The following NCKAP1 variants were observed in gnomAD, a reference collection of about 807,000 sequenced individuals.
NCKAP1 encodes NCK associated protein 1, also known as nck-associated protein 1.
NCKAP1 carries 21 observed loss-of-function variants against 151.2 expected under a neutral mutation model. The ratio of observed to expected loss-of-function variants is 0.14; its 90% CI spans 0.10 to 0.20. The LOEUF (loss-of-function observed/expected upper bound fraction) is 0.20, where lower values mean the gene tolerates loss of function less well. Among genes scored for constraint, NCKAP1 ranks in the 10% least tolerant of loss-of-function variants. The probability of loss-of-function intolerance (pLI) is 1.00; values close to 1 mark genes in which losing one functional copy is unlikely to be tolerated. For missense variants in NCKAP1, 933 were observed against 1,352.1 expected, an observed-to-expected ratio of 0.69 and a Z score of 4.86; for synonymous variants, 484 against 451.8, an observed-to-expected ratio of 1.07 and a Z score of -0.90.
intron 15 of NCKAP1, among the ~76,000 whole-genome samples, chr2:182,968,008 A>C (rs1697609622): frequency 6.6e-6 from 1 of 152,238 alleles, no homozygotes; most frequent in Admixed American, 6.5e-5. Flanking sequence ...TAAGAATAGA[A>C]GGGATGCCTA....
intron 12 of NCKAP1, among the ~76,000 whole-genome samples, chr2:182,982,040 C>A (rs1351160104): frequency 2.6e-5 from 4 of 151,808 alleles, no homozygotes; most frequent in East Asian, 1.9e-4. Context: ...TATTTCTCTG[C>A]TCCATTTTTC....
chr2:182,946,984 T>C (rs1697121704), intron 23 of NCKAP1: 1 of 152,172 alleles, frequency 6.6e-6, no homozygotes, highest in Non-Finnish European at 1.5e-5. Flanking sequence ...AACAAGACAA[T>C]AATTTAATCA....
At chr2:183,009,821 G>A (rs940649463) in intron 2 of NCKAP1, among the ~76,000 whole-genome samples, 8 of 152,058 alleles carry the variant, frequency 5.3e-5, no homozygotes, top group African/African-American at 9.7e-5. Flanking sequence ...ATGCCAATCC[G>A]GGTCTATGAG....
chr2:182,983,347 C>T lies in NCKAP1; in HGVS notation c.1040G>A (p.Arg347Lys). 2 of 1,613,522 alleles carry T rather than the reference C, an allele frequency of 1.2e-6. No homozygotes were observed. The highest frequency in any genetic ancestry group is 2.2e-5 in the East Asian group (1 of 44,834). Reference protein sequence around the residue: ...SMHRERRKFLRSALKELATVL... With the variant: ...SMHRERRKFLKSALKELATVL... ...AGTAGCCAATTCCTTCAGTGCAGAT[C>T]TTAAAAACTTGCGTCTTTCTCTGTG... Residue 347 changes from arginine to lysine, a missense_variant, in exon 11 of 31, where the codon AGA becomes AAA. Arg to Lys is a conservative substitution (Grantham distance 26). This residue lies in a region of NCKAP1 where 607 missense variants were observed against 795.0 expected (regional missense o/e 0.76). Coordinates refer to ENST00000361354, the MANE Select transcript of NCKAP1 (RefSeq NM_013436.5).
intron 27 of NCKAP1, among the ~76,000 whole-genome samples, chr2:182,929,102 C>G (rs1389895984): frequency 2.0e-5 from 3 of 151,332 alleles, no homozygotes. Context: ...TTACAATGGA[C>G]TATTATCAAC....
chr2:183,024,339 T>C (rs1698848917), intron 1 of NCKAP1, among the ~76,000 whole-genome samples: 1 of 152,176 alleles, frequency 6.6e-6, no homozygotes, highest in South Asian at 2.1e-4. Flanking sequence ...TCCAAAATGT[T>C]TTCCTCATTC....
chr2:183,013,804 G>A (rs1026089148), intron 2 of NCKAP1, among the ~76,000 whole-genome samples: 4 of 151,942 alleles, frequency 2.6e-5, no homozygotes, highest in Admixed American at 6.6e-5. Context: ...TCCTACCACC[G>A]TCCCCTTCAA....
Position 182,923,441 on chromosome 2 carries a change from T to A in NCKAP1, c.*2261A>T, listed in dbSNP as rs1017748869. On this transcript the variant is annotated 3_prime_UTR_variant, in exon 31 of 31. Transcript: ENST00000361354. Reference sequence around the variant, plus strand: ...GTGTGCACCATCATACCTGGGTAATTTTTGTATTTTTAGTAGTGTCAGGGT... The same window carrying A: ...GTGTGCACCATCATACCTGGGTAATATTTGTATTTTTAGTAGTGTCAGGGT... 1 of 152,056 alleles carries A rather than the reference T, an allele frequency of 6.6e-6. No homozygotes were observed. The highest frequency in any genetic ancestry group is 1.5e-5 in the Non-Finnish European group (1 of 68,016). The allele number at this position is 152,056 out of a possible 1,614,324, so 9.4% of individuals were successfully genotyped here.
At chr2:182,939,806 C>G (rs1479274634) in intron 24 of NCKAP1, among the ~76,000 whole-genome samples, 1 of 152,096 alleles carries the variant, frequency 6.6e-6, no homozygotes, top group Non-Finnish European at 1.5e-5. Flanking sequence ...ATGAGTCACT[C>G]TCAAGTGAAT....
intron 4 of NCKAP1, 41 bp from the exon 5 acceptor site, chr2:183,002,310 T>A: frequency 7.5e-7 from 1 of 1,331,360 alleles, no homozygotes; most frequent in Non-Finnish European, 1.0e-6. Context: ...TTCCTATTTC[T>A]TAAAATTTTA....
intron 20 of NCKAP1, among the ~76,000 whole-genome samples, chr2:182,953,566 C>T (rs1340360351): frequency 1.3e-5 from 2 of 152,080 alleles, no homozygotes; most frequent in Non-Finnish European, 2.9e-5. Flanking sequence ...TTTGGGAGGA[C>T]GAGGCGGGCA....
chr2:182,936,304 G>C (rs1460068951), intron 24 of NCKAP1, among the ~76,000 whole-genome samples: 2 of 151,940 alleles, frequency 1.3e-5, no homozygotes, highest in African/African-American at 4.8e-5. Flanking sequence ...TCAATATGAT[G>C]GTTCAATACC....
chr2:182,964,552 G>C, intron 17 of NCKAP1, 124 bp downstream of exon 17: 1 of 657,008 alleles, frequency 1.5e-6, no homozygotes, highest in Admixed American at 3.7e-5. Flanking sequence ...TTCTGATTCT[G>C]CATAGAGATG....
chr2:182,929,893 A>C (rs1335271382), intron 27 of NCKAP1, among the ~76,000 whole-genome samples: 2 of 152,000 alleles, frequency 1.3e-5, no homozygotes, highest in East Asian at 3.8e-4. Flanking sequence ...TATCTACAGG[A>C]TTCTGAGTAC....
chr2:182,983,436 G>A, intron 10 of NCKAP1, 54 bp from the exon 11 acceptor site: 2 of 1,309,544 alleles, frequency 1.5e-6, no homozygotes, highest in Non-Finnish European at 2.2e-6. Context: ...ATTATTATTG[G>A]CAATTAAAGT....
rs1166734670 is a variant in NCKAP1 at position 182,981,296 on chromosome 2, T to C, written c.1289A>G (p.Tyr430Cys). The part of the protein sequence containing the change: ...RKYGPVMQRY[Y>C]VQYLSGFDAV... ...ATCAAAGCCAGAAAGGTACTGCACGTAATACCTCTGCATTACAGGTCCGTA... is the reference window on the plus strand; with the variant it reads ...ATCAAAGCCAGAAAGGTACTGCACGCAATACCTCTGCATTACAGGTCCGTA... The change falls in exon 13 of 31, where the codon TAC becomes TGC. Residue 430 changes from tyrosine to cysteine, a missense_variant. Physicochemically the swap from Tyr to Cys is radical, Grantham distance 194 (BLOSUM62 -2). Transcript: ENST00000361354. 1.9e-6 allele frequency: 3 copies of C among 1,613,292 alleles called. No homozygotes were observed. Among genetic ancestry groups the C allele is most frequent in the Non-Finnish European group, 2.5e-6 (3 of 1,179,354 alleles).
chr2:182,950,619 A>C (rs1697193776), intron 23 of NCKAP1, among the ~76,000 whole-genome samples: 1 of 152,184 alleles, frequency 6.6e-6, no homozygotes. Context: ...CTAAAAGTTG[A>C]CTTTTATACA....
At chr2:183,037,786 G>C (rs960783734) in intron 1 of NCKAP1, among the ~76,000 whole-genome samples, 2 of 151,966 alleles carry the variant, frequency 1.3e-5, no homozygotes, top group African/African-American at 4.8e-5. Context: ...CTCTGCCTTC[G>C]GCCGGCCGGC....
chr2:183,028,989 C>A (rs1396916656), intron 1 of NCKAP1, among the ~76,000 whole-genome samples: 1 of 150,920 alleles, frequency 6.6e-6, no homozygotes, highest in African/African-American at 2.4e-5. Flanking sequence ...TATGGTCTGG[C>A]GCCTGTAATC....
Sources: allele counts gnomAD v4.1 joint callset (sites outside exome capture counted in the v4.1 genomes callset), GRCh38; gene constraint gnomAD v4.1.1; regional missense constraint gnomAD v4.1.1; transcripts MANE v1.5; gene names NCBI Gene and HGNC (gene_info 2026-07-23, HGNC 2026-07-21).